Variants in EML5 observed in about 807,000 individuals in gnomAD.
EML5 encodes EMAP like 5.
EML5 carries 120 observed loss-of-function variants against 250.0 expected under a neutral mutation model. The observed-to-expected ratio is 0.48, with a 90% CI of 0.41 to 0.56. EML5 has a LOEUF of 0.56. EML5 is among the 20% of genes least tolerant of loss of function. The pLI is 0.00. For missense variants in EML5, 2,006 were observed against 2,437.6 expected, an observed-to-expected ratio of 0.82 and a Z score of 3.73; for synonymous variants, 771 against 806.5, an observed-to-expected ratio of 0.96 and a Z score of 0.75.
intron 2 of EML5, among the ~76,000 whole-genome samples, chr14:88,747,284 C>T (rs1191709606): frequency 2.0e-5 from 3 of 151,976 alleles, no homozygotes; most frequent in South Asian, 2.1e-4. Flanking sequence ...TGGTGACTCA[C>T]GCCTGTAATT....
intron 1 of EML5, among the ~76,000 whole-genome samples, chr14:88,772,344 G>C (rs553249870): frequency 6.6e-6 from 1 of 152,230 alleles, no homozygotes; most frequent in African/African-American, 2.4e-5. Flanking sequence ...ACATAGCCAG[G>C]TGATCTTTAA....
chr14:88,781,812 TC>T (rs1052517295), intron 1 of EML5, among the ~76,000 whole-genome samples: 3 of 152,242 alleles, frequency 2.0e-5, no homozygotes, highest in African/African-American at 7.2e-5. Context: ...CTGAGGCTTC[TC>T]CAGCCCTGCA....
At chr14:88,733,299 T>C (rs921664744) in intron 7 of EML5, among the ~76,000 whole-genome samples, 22 of 152,210 alleles carry the variant, frequency 1.4e-4, no homozygotes, top group Admixed American at 1.1e-3. Flanking sequence ...AAAGGAAAAA[T>C]GCCTTCAGGG....
At chr14:88,769,342 G>A (rs1227561567) in intron 1 of EML5, among the ~76,000 whole-genome samples, 1 of 152,122 alleles carries the variant, frequency 6.6e-6, no homozygotes, top group African/African-American at 2.4e-5. Flanking sequence ...CATGTGAAGT[G>A]CCTTGCCTCC....
At chr14:88,783,893 G>C (rs757308775) in intron 1 of EML5, among the ~76,000 whole-genome samples, 32 of 152,198 alleles carry the variant, frequency 2.1e-4, no homozygotes, top group Non-Finnish European at 3.8e-4. Context: ...TATTCTCAAG[G>C]ATAGACTGTG....
At chr14:88,629,726 G>T (rs1300295776) in intron 33 of EML5, among the ~76,000 whole-genome samples, 2 of 152,032 alleles carry the variant, frequency 1.3e-5, no homozygotes, top group Admixed American at 6.5e-5. Context: ...GTTTTTTCCT[G>T]AATTCAGCCT....
chr14:88,731,313 T>C (rs1236364650), intron 7 of EML5, among the ~76,000 whole-genome samples: 4 of 83,656 alleles, frequency 4.8e-5, no homozygotes, highest in African/African-American at 2.7e-4. Context: ...AGTGAGAACA[T>C]GCAGTGTTTG....
chr14:88,660,936 T>C (rs2092076286), intron 25 of EML5, among the ~76,000 whole-genome samples: 1 of 152,156 alleles, frequency 6.6e-6, no homozygotes, highest in Admixed American at 6.6e-5. Context: ...AAATCAATGG[T>C]GCTTAATTTT....
At chr14:88,774,992 G>A (rs549851651) in intron 1 of EML5, among the ~76,000 whole-genome samples, 1 of 152,278 alleles carries the variant, frequency 6.6e-6, no homozygotes, top group South Asian at 2.1e-4. Flanking sequence ...GCTACCAGAC[G>A]ACATTTTTAT....
Position 88,615,834 on chromosome 14 carries a change from A to C in EML5, c.5918T>G (p.Val1973Gly). Residue 1973 changes from valine (V) to glycine (G), a missense_variant, in exon 44 of 44, where the codon GTA becomes GGA. This residue lies in a region of EML5 where 56 missense variants were observed against 55.1 expected (regional missense o/e 1.02). Coordinates refer to ENST00000554922, the MANE Select transcript of EML5 (RefSeq NM_183387.3). ...CAGCATCTCTCAGTGAGGTGTATGTACACATTTCCAGACAAATAAGCTGCA... is the reference window on the plus strand; with the variant it reads ...CAGCATCTCTCAGTGAGGTGTATGTCCACATTTCCAGACAAATAAGCTGCA... Reference protein sequence around the residue: ...DDCSLFVWKCVHTPH With the variant: ...DDCSLFVWKCGHTPH 6.2e-7 allele frequency: 1 copy of C among 1,612,010 alleles called. No individual in the cohort carries two copies. Among genetic ancestry groups the C allele is most frequent in the Non-Finnish European group, 8.5e-7 (1 of 1,179,084 alleles).
intron 4 of EML5, 49 bp downstream of exon 4, chr14:88,743,974 G>T: frequency 7.8e-7 from 1 of 1,288,354 alleles, no homozygotes; most frequent in Non-Finnish European, 1.1e-6. Flanking sequence ...TATATACTTA[G>T]CAGCAGAGAA....
At chr14:88,717,291 C>A (rs34835895) in intron 8 of EML5, among the ~76,000 whole-genome samples, 12,945 of 152,178 alleles carry the variant, frequency 0.085, 676 homozygotes, top group Non-Finnish European at 0.12. Flanking sequence ...CAGCTTGTGA[C>A]GGCCACTGTA....
In EML5 at chr14:88,734,910, A is replaced by G. The variant is rs367868445; in HGVS notation, c.1049+1454T>C. Among the ~76,000 whole-genome samples the G allele has an allele frequency of 2.2e-3, 333 of 152,316 alleles. 17 individuals are homozygous for G. The South Asian group carries it at 0.064, about 29-fold the overall frequency. On this transcript the variant is annotated intron_variant, in intron 7 of 43. Coordinates refer to ENST00000554922, the MANE Select transcript of EML5 (RefSeq NM_183387.3). ...CTGAAAAGACATATCAGCAAACGCA[A>G]TATATGAAGCTCATTTGGGTCCTGA...
intron 10 of EML5, among the ~76,000 whole-genome samples, chr14:88,711,443 G>A (rs928037165): frequency 3.0e-5 from 3 of 98,808 alleles, no homozygotes; most frequent in East Asian, 7.7e-4. Context: ...GGGGAAGCAA[G>A]GCACCCTCTT....
At chr14:88,748,645 G>T (rs561901476) in intron 2 of EML5, among the ~76,000 whole-genome samples, 1 of 152,226 alleles carries the variant, frequency 6.6e-6, no homozygotes, top group South Asian at 2.1e-4. Flanking sequence ...AATAGAAACA[G>T]ACTCAGGAAA....
Position 88,698,717 on chromosome 14 carries a change from A to G in EML5, c.2239-1765T>C, listed in dbSNP as rs138688494. 3.0e-3 allele frequency among the ~76,000 whole-genome samples: 456 copies of G among 152,290 alleles called. 3 individuals carry two copies. Among genetic ancestry groups the G allele is most frequent in the African/African-American group, 0.011 (442 of 41,564 alleles). On this transcript the variant is annotated intron_variant, in intron 14 of 43. Coordinates refer to ENST00000554922, the MANE Select transcript of EML5 (RefSeq NM_183387.3). ...TTCTATAGTTTCAGTGGTTAAATCAATAAATACCTCCCAAGTCCTTCTCTC... is the reference window on the plus strand; with the variant it reads ...TTCTATAGTTTCAGTGGTTAAATCAGTAAATACCTCCCAAGTCCTTCTCTC...
chr14:88,650,021 T>C (rs1423037920), intron 27 of EML5, 95 bp from the exon 28 acceptor site: 3 of 810,152 alleles, frequency 3.7e-6, no homozygotes, highest in African/African-American at 1.8e-5. Context: ...AAAGGCAACA[T>C]GTCAACAGAA....
chr14:88,665,354 T>A lies in EML5; in HGVS notation c.3260A>T (p.Asp1087Val), dbSNP rs1316025199. The A allele has an allele frequency of 7.4e-6, 12 of 1,612,664 alleles. No individual in the cohort carries two copies. The highest frequency in any genetic ancestry group is 1.0e-5 in the Non-Finnish European group (12 of 1,179,310). Reference sequence around the variant, plus strand: ...GATCTTACCAGGTGAAAATCGAATATCTGAAATCATATCTTTTCTGTGATG... The same window carrying A: ...GATCTTACCAGGTGAAAATCGAATAACTGAAATCATATCTTTTCTGTGATG... ...SFHHRKDMIS[D>V]IRFSPGSGKY... Residue 1087 changes from aspartate to valine, a missense_variant, in exon 22 of 44, where the codon GAT becomes GTT. By Grantham distance (152) the Asp-to-Val change is radical. Coordinates refer to ENST00000554922, the MANE Select transcript of EML5 (RefSeq NM_183387.3).
At chr14:88,778,113 A>G (rs1256665173) in intron 1 of EML5, among the ~76,000 whole-genome samples, 1 of 152,240 alleles carries the variant, frequency 6.6e-6, no homozygotes, top group Non-Finnish European at 1.5e-5. Flanking sequence ...TCTCATGGTA[A>G]CCTCAAACCA....
Sources: gnomAD v4.1 joint callset for allele counts (sites outside exome capture counted in the v4.1 genomes callset) on GRCh38, gnomAD v4.1.1 for gene constraint, gnomAD v4.1.1 regional missense constraint, MANE v1.5 for transcripts, NCBI Gene and HGNC (gene_info 2026-07-23, HGNC 2026-07-21) for gene names.